The following STARD8 variants were observed in gnomAD, a reference collection of about 807,000 sequenced individuals.
STARD8 encodes StAR related lipid transfer domain containing 8.
A neutral mutation model predicts 69.4 loss-of-function variants in STARD8; 25 were observed. That is an observed-to-expected ratio of 0.36 (90% CI 0.26 to 0.50). STARD8 has a LOEUF of 0.50. Among genes scored for constraint, STARD8 ranks in the 20% least tolerant of loss-of-function variants. The pLI, the probability that STARD8 is intolerant of heterozygous loss-of-function variation, is 0.96. For synonymous variants in STARD8, 389 were observed against 374.6 expected (o/e 1.04, Z -0.45); for missense variants, 921 against 932.5 (o/e 0.99, Z 0.16).
chrX:68,724,756 C>T lies in STARD8; in HGVS notation c.*334C>T. ...GCATGAAGCCTCCACAGCTCCCCGC[C>T]TGCAGGGGCAAAGAGGTCGACAGCA... is the stretch of plus-strand genomic sequence containing the variant. On this transcript the variant is annotated 3_prime_UTR_variant, in exon 15 of 15. Transcript: ENST00000374599. The T allele has an allele frequency of 5.3e-6, 1 of 188,997 alleles. No individual in the cohort carries two copies. The highest frequency in any genetic ancestry group is 9.7e-6 in the Non-Finnish European group (1 of 102,975). 15.6% of individuals were successfully genotyped at this position (188,997 alleles called of 1,213,427 possible). A position where few individuals can be genotyped will look rare whatever the true frequency, so the allele number is the denominator to read the frequency against.
intron 3 of STARD8, among the ~76,000 whole-genome samples, chrX:68,714,050 T>A (rs939498639): frequency 8.9e-6 from 1 of 112,119 alleles, no homozygotes; most frequent in Non-Finnish European, 1.9e-5. Context: ...ATCAATCCAC[T>A]GCTTACTACC....
At chrX:68,705,512 C>T (rs2079999288) in intron 2 of STARD8, among the ~76,000 whole-genome samples, 1 of 112,885 alleles carries the variant, frequency 8.9e-6, no homozygotes, top group Admixed American at 9.3e-5. Flanking sequence ...GCCACCTCTT[C>T]CTGGCCGATC....
At chrX:68,690,556 T>TA (rs1049651238) in intron 2 of STARD8, among the ~76,000 whole-genome samples, 3 of 111,560 alleles carry the variant, frequency 2.7e-5, no homozygotes, top group African/African-American at 9.8e-5. Flanking sequence ...AAAGGGCTGA[T>TA]AGGTCCCCCA....
At chrX:68,721,974 A>G (rs1018875833) in intron 10 of STARD8, 73 bp from the exon 11 acceptor site, 1 of 1,001,933 alleles carries the variant, frequency 1.0e-6, no homozygotes, top group African/African-American at 1.9e-5. Context: ...TGGCAGCTAG[A>G]AGGCAGCCTG....
At position 68,722,720 on chromosome X, in the gene STARD8, A is replaced by G. The variant is rs1398110568; in HGVS notation, c.2799+74A>G. 1.1e-5 allele frequency: 12 copies of G among 1,055,581 alleles called. No homozygotes were observed. The East Asian group carries it at 3.2e-4, about 28-fold the overall frequency. 87.0% of individuals were successfully genotyped at this position (1,055,581 alleles called of 1,213,427 possible). A position where few individuals can be genotyped will look rare whatever the true frequency, so the allele number is the denominator to read the frequency against. ...GCAGGCAAGGGTAGTCAGAGAACCCAAAGGAAGGAGCCGGGGAGGAGCTGC... is the reference window on the plus strand; with the variant it reads ...GCAGGCAAGGGTAGTCAGAGAACCCGAAGGAAGGAGCCGGGGAGGAGCTGC... On this transcript the variant is annotated intron_variant, in intron 12 of 14. Transcript: ENST00000374599.
chrX:68,716,312 CT>C, intron 4 of STARD8, 55 bp from the exon 5 acceptor site: 1 of 1,124,218 alleles, frequency 8.9e-7, no homozygotes, highest in Non-Finnish European at 1.2e-6. Flanking sequence ...TCTTGGTAGG[CT>C]CTGCCAGGCT....
Position 68,720,308 on chromosome X carries a change from G to A in STARD8, c.1934G>A (p.Arg645Gln), listed in dbSNP as rs752069065. ...AGGAGGAACAAGACCCCAGATTACC[G>A]GGGACAGCACGTATTTGGGGTGCCA... is the stretch of plus-strand genomic sequence containing the variant. ...FMRRNKTPDY[R>Q]GQHVFGVPPL... The change falls in exon 8 of 15, where the codon CGG (arginine) becomes CAG (glutamine). Residue 645 changes from arginine to glutamine, a missense_variant. By Grantham distance (43) the Arg-to-Gln change is conservative (BLOSUM62 1). Coordinates refer to ENST00000374599, the MANE Select transcript of STARD8 (RefSeq NM_001142503.3). 1.2e-5 allele frequency: 15 copies of A among 1,206,270 alleles called. No individual in the cohort carries two copies. Among genetic ancestry groups the A allele is most frequent in the African/African-American group, 6.9e-5 (4 of 57,593 alleles).
chrX:68,666,993 C>T (rs1057265737), intron 2 of STARD8, among the ~76,000 whole-genome samples: 3 of 112,045 alleles, frequency 2.7e-5, no homozygotes, highest in Non-Finnish European at 3.8e-5. Flanking sequence ...AATATCTGTG[C>T]CAGGCAGAGG....
At chrX:68,664,042 T>C (rs2079667165) in intron 1 of STARD8, among the ~76,000 whole-genome samples, 3 of 111,466 alleles carry the variant, frequency 2.7e-5, no homozygotes, top group East Asian at 2.8e-4. Context: ...TTAGGAAGCA[T>C]TGTGGTCAAG....
At chrX:68,652,815 C>T (rs1199361261) in intron 1 of STARD8, among the ~76,000 whole-genome samples, 1 of 56,595 alleles carries the variant, frequency 1.8e-5, no homozygotes. Flanking sequence ...CACACACACA[C>T]CCCACACACC....
chrX:68,692,062 A>G (rs989497228), intron 2 of STARD8, among the ~76,000 whole-genome samples: 9 of 111,816 alleles, frequency 8.0e-5, no homozygotes, highest in Admixed American at 7.6e-4. Context: ...CCTTTTTAGC[A>G]CTGTGCACAG....
chrX:68,661,877 T>TC, intron 1 of STARD8, among the ~76,000 whole-genome samples: 1 of 80,933 alleles, frequency 1.2e-5, no homozygotes, highest in African/African-American at 6.2e-5. Context: ...TCTTTCTTTC[T>TC]TTTCCTTCCT....
rs2080062536 is a variant in STARD8 at position 68,712,921 on chromosome X, G to A, written c.87G>A (p.Glu29=). 8.3e-7 allele frequency: 1 copy of A among 1,205,728 alleles called. No individual in the cohort carries two copies. Among genetic ancestry groups the A allele is most frequent in the Non-Finnish European group, 1.1e-6 (1 of 892,343 alleles). Reference sequence around the variant, plus strand: ...TCCCTTGTTCTGTTTTAGAAGCCGAGGCCAAAAGAGCATGTGAGTGGCTTC... The same window carrying A: ...TCCCTTGTTCTGTTTTAGAAGCCGAAGCCAAAAGAGCATGTGAGTGGCTTC... ...LLQVKKNAEA[E]AKRACEWLQA... Residue 29 remains glutamate, a synonymous_variant, in exon 3 of 15, where the codon GAG becomes GAA. Transcript: ENST00000374599.
chrX:68,703,894 C>T (rs938026545), intron 2 of STARD8, among the ~76,000 whole-genome samples: 2 of 111,696 alleles, frequency 1.8e-5, no homozygotes, highest in Non-Finnish European at 1.9e-5. Context: ...TTTCTGTTCG[C>T]ACATCTCTGA....
Position 68,720,438 on chromosome X carries a change from G to C in STARD8, c.2049+15G>C. On this transcript the variant is annotated intron_variant, in intron 8 of 14. Transcript: ENST00000374599. ...GCCTGGACCAAGTGAGCCCTCGTGGGGCAGCCTGCCGGGAGATGGTGCAGG... is the reference window on the plus strand; with the variant it reads ...GCCTGGACCAAGTGAGCCCTCGTGGCGCAGCCTGCCGGGAGATGGTGCAGG... The C allele has an allele frequency of 1.7e-6, 2 of 1,158,053 alleles. No homozygotes were observed. Among genetic ancestry groups the C allele is most frequent in the Non-Finnish European group, 2.3e-6 (2 of 865,137 alleles).
In STARD8 at chrX:68,717,910, A is replaced by T; in HGVS notation, c.996A>T (p.Pro332=). The change falls in exon 6 of 15, where the codon CCA becomes CCT. Residue 332 remains proline (P), a synonymous_variant. Coordinates refer to ENST00000374599, the MANE Select transcript of STARD8 (RefSeq NM_001142503.3). ...EDGHRLADWQ[P]GRRWGCEGRR... is the part of the protein sequence containing the mutation. ...GACACCGCCTGGCAGACTGGCAGCC[A>T]GGTAGGCGGTGGGGCTGTGAGGGGC... 8.3e-7 allele frequency: 1 copy of T among 1,208,380 alleles called. No individual in the cohort carries two copies. The highest frequency in any genetic ancestry group is 1.1e-6 in the Non-Finnish European group (1 of 893,861).
At position 68,653,069 on chromosome X, in the gene STARD8, C is replaced by T. The variant is rs900822698; in HGVS notation, c.45+5142C>T. 4.9e-3 allele frequency among the ~76,000 whole-genome samples: 152 copies of T among 30,992 alleles called. 3 individuals are homozygous for T. The highest frequency in any genetic ancestry group is 0.02 in the African/African-American group (145 of 7,140). 26.9% of individuals were successfully genotyped at this position (30,992 alleles called of 115,157 possible). ...CATCACACACCACACACACCACACA[C>T]CACACACACACCACACCACACACCA... On this transcript the variant is annotated intron_variant, in intron 1 of 14. Transcript: ENST00000374599.
chrX:68,679,221 A>G (rs2079785605), intron 2 of STARD8, among the ~76,000 whole-genome samples: 1 of 111,486 alleles, frequency 9.0e-6, no homozygotes, highest in Non-Finnish European at 1.9e-5. Context: ...ATTGAATCCT[A>G]TGTGACACCC....
intron 6 of STARD8, 67 bp from the exon 7 acceptor site, chrX:68,719,158 C>T (rs2080124395): frequency 9.3e-7 from 1 of 1,072,384 alleles, no homozygotes; most frequent in Admixed American, 3.4e-5. Flanking sequence ...CACAATAACA[C>T]CTTTTCTAAG....
Sources: allele counts gnomAD v4.1 joint callset (sites outside exome capture counted in the v4.1 genomes callset), GRCh38; gene constraint gnomAD v4.1.1; transcripts MANE v1.5; gene names NCBI Gene and HGNC (gene_info 2026-07-23, HGNC 2026-07-21).